Variants in ATG9B observed in about 807,000 individuals in gnomAD.
The protein encoded by ATG9B is autophagy-related protein 9B.
Under a neutral mutation model 92.9 loss-of-function variants are expected in ATG9B, and 92 were observed. The observed-to-expected ratio is 0.99, with a 90% CI of 0.84 to 1.18. ATG9B has a LOEUF of 1.18. ATG9B is among the 50% of genes most tolerant of loss of function. The probability of loss-of-function intolerance (pLI) is 0.00; values close to 1 mark genes in which losing one functional copy is unlikely to be tolerated. For missense variants in ATG9B, 1,344 were observed against 1,235.0 expected, an observed-to-expected ratio of 1.09 and a Z score of -1.32; for synonymous variants, 599 against 551.4, an observed-to-expected ratio of 1.09 and a Z score of -1.21.
chr7:151,023,072 A>G lies in ATG9B; in HGVS notation c.794T>C (p.Ile265Thr). 6.2e-7 allele frequency: 1 copy of G among 1,614,090 alleles called. No homozygotes were observed. Among genetic ancestry groups the G allele is most frequent in the Non-Finnish European group, 8.5e-7 (1 of 1,180,010 alleles). The part of the protein sequence containing the change: ...FHSKVTLSDA[I>T]LPSAQCAERI... ...CTCAGCACACTGGGCTGAGGGTAGGATGGCATCTGACAGGGTCACTTTGCT... is the reference window on the plus strand; with the variant it reads ...CTCAGCACACTGGGCTGAGGGTAGGGTGGCATCTGACAGGGTCACTTTGCT... Residue 265 changes from isoleucine (I) to threonine (T), a missense_variant, in exon 4 of 14, where the codon ATC (isoleucine) becomes ACC (threonine). Coordinates refer to ENST00000639579, the MANE Select transcript of ATG9B (RefSeq NM_001317056.2).
In ATG9B at chr7:151,023,687, C is replaced by T; in HGVS notation, c.594G>A (p.Lys198=). Residue 198 remains lysine (K), a splice_region_variant and synonymous_variant, in exon 2 of 14, where the codon AAG becomes AAA. Coordinates refer to ENST00000639579, the MANE Select transcript of ATG9B (RefSeq NM_001317056.2). ...TCTGCAGGCCTAGCGCAAAGGATAT[C>T]TTGGTGAAGAAACTGTCCAGGTTCT... ...HIQNLDSFFT[K]IYSYHQRNGF... is the part of the protein sequence containing the mutation. 3 of 1,614,082 alleles carry T rather than the reference C, an allele frequency of 1.9e-6. No individual in the cohort carries two copies. The highest frequency in any genetic ancestry group is 2.5e-6 in the Non-Finnish European group (3 of 1,180,040).
At chr7:151,023,227 T>C (rs1407871827) in intron 3 of ATG9B, 21 bp from the exon 4 acceptor site, 3 of 1,611,662 alleles carry the variant, frequency 1.9e-6, no homozygotes, top group Non-Finnish European at 2.5e-6. Flanking sequence ...GAAGGGGGGG[T>C]GCCGGGATGC....
intron 11 of ATG9B, 49 bp from the exon 12 acceptor site, chr7:151,016,284 G>A: frequency 6.8e-7 from 1 of 1,475,218 alleles, no homozygotes; most frequent in African/African-American, 1.4e-5. Context: ...GGAGGGCAGG[G>A]CCAAGCACCT....
chr7:151,012,251 T>G, downstream of ATG9B: 1 of 962,744 alleles, frequency 1.0e-6, no homozygotes, highest in Non-Finnish European at 1.5e-6. Flanking sequence ...TTTTTTGAGA[T>G]GGGAAGAACT....
In ATG9B at chr7:151,021,199, GC is replaced by G. The variant is rs752176029; in HGVS notation, c.951del (p.His318ThrfsTer7). 12 of 1,613,298 alleles carry G rather than the reference GC, an allele frequency of 7.4e-6. No homozygotes were observed. The highest frequency in any genetic ancestry group is 1.0e-5 in the Non-Finnish European group (12 of 1,179,896). ...GCCACCCAGCTCACCGGGGGGATGTGCAGGGCCTCCCTGTAAAACACCTGGA... is the reference window on the plus strand; with the variant it reads ...GCCACCCAGCTCACCGGGGGGATGTGAGGGCCTCCCTGTAAAACACCTGGA... ...WDIQVFYREA[L>X]HIPPEELSSV... On this transcript the variant is annotated frameshift_variant, in exon 5 of 14. Coordinates refer to ENST00000639579, the MANE Select transcript of ATG9B (RefSeq NM_001317056.2). LOFTEE classifies it high-confidence loss of function.
Position 151,024,366 on chromosome 7 carries a change from G to C in ATG9B, c.58C>G (p.Leu20Val). The C allele has an allele frequency of 7.2e-7, 1 of 1,388,400 alleles. No homozygotes were observed. The highest frequency in any genetic ancestry group is 9.4e-7 in the Non-Finnish European group (1 of 1,066,530). The allele number at this position is 1,388,400 out of a possible 1,614,324, so 86.0% of individuals were successfully genotyped here. A position where few individuals can be genotyped will look rare whatever the true frequency, so the allele number is the denominator to read the frequency against. ...RRRRLGRWGDLGPGSVPLLPM... is the reference protein window; with the variant it reads ...RRRRLGRWGDVGPGSVPLLPM... ...AGGAGGGGCACCGATCCGGGCCCCA[G>C]ATCTCCCCACCGCCCCAGCCGCCTT... Residue 20 changes from leucine to valine, a missense_variant, in exon 1 of 14, where the codon CTG becomes GTG. Leu to Val is a conservative substitution (Grantham distance 32). Coordinates refer to ENST00000639579, the MANE Select transcript of ATG9B (RefSeq NM_001317056.2).
chr7:151,014,179 G>A, downstream of ATG9B: 2 of 1,592,566 alleles, frequency 1.3e-6, no homozygotes, highest in South Asian at 2.2e-5. Context: ...AGAGCCGCCT[G>A]GCTTTCCCTT....
Position 151,023,565 on chromosome 7 carries a change from C to T in ATG9B, c.595-56G>A, listed in dbSNP as rs1321065092. On this transcript the variant is annotated intron_variant, in intron 2 of 13. Transcript: ENST00000639579. ...CACGGGGGGCCTCTCCTGAGGACACCTCCCCTCAGCCCCAACAAGTCTCCC... is the reference window on the plus strand; with the variant it reads ...CACGGGGGGCCTCTCCTGAGGACACTTCCCCTCAGCCCCAACAAGTCTCCC... 6 of 1,610,624 alleles carry T rather than the reference C, an allele frequency of 3.7e-6. No individual in the cohort carries two copies. In the African/African-American group the frequency reaches 6.7e-5, roughly 18 times the overall value.
At position 151,019,163 on chromosome 7, in the gene ATG9B, A is replaced by G. The variant is rs1430435526; in HGVS notation, c.1175T>C (p.Leu392Pro). 3 of 1,536,462 alleles carry G rather than the reference A, an allele frequency of 2.0e-6. No individual in the cohort carries two copies. Among genetic ancestry groups the G allele is most frequent in the Non-Finnish European group, 2.6e-6 (3 of 1,146,636 alleles). Residue 392 changes from leucine to proline, a missense_variant, in exon 6 of 14, where the codon CTC becomes CCC. Transcript: ENST00000639579. Reference protein sequence around the residue: ...PLPWGGSAAFLSRGLALNVDL... With the variant: ...PLPWGGSAAFPSRGLALNVDL... Reference sequence around the variant, plus strand: ...GACATTGAGCGCCAGGCCGCGGCTGAGGAAAGCCGCACTGCCTCCCCAGGG... The same window carrying G: ...GACATTGAGCGCCAGGCCGCGGCTGGGGAAAGCCGCACTGCCTCCCCAGGG...
chr7:151,018,327 G>C lies in ATG9B; in HGVS notation c.1839C>G (p.Tyr613Ter). The change falls in exon 7 of 14, where the codon TAC (tyrosine) becomes TAG (stop). Residue 613 changes from tyrosine (Y) to a stop codon, truncating the protein, a stop_gained. Transcript: ENST00000639579. LOFTEE classifies it high-confidence loss of function. The surrounding 1 kb of genome is among the most constrained non-coding windows in gnomAD (Gnocchi z 4.7). ...EPGPGGRDRA[Y>*]RQMAQLLQYR... ...ACTGCAGCAGCTGCGCCATCTGCCG[G>C]TAGGCGCGGTCCCTGCCGCCGGGGC... 6.3e-7 allele frequency: 1 copy of C among 1,588,616 alleles called. No homozygotes were observed. The highest frequency in any genetic ancestry group is 8.5e-7 in the Non-Finnish European group (1 of 1,171,216).
At chr7:151,012,996 C>A (rs958995034), downstream of ATG9B, 3 of 546,414 alleles carry the variant, frequency 5.5e-6, no homozygotes, top group Non-Finnish European at 9.6e-6. Flanking sequence ...CGCATTCTAG[C>A]GCAGCTCCAC....
At chr7:151,012,987 G>GCA (rs1795339914), downstream of ATG9B, 1 of 524,788 alleles carries the variant, frequency 1.9e-6, no homozygotes, top group Non-Finnish European at 3.3e-6. Context: ...CCGAAGCCGC[G>GCA]CATTCTAGCG....
rs756553369 is a variant in ATG9B, at chr7:151,016,775, G to A, written c.2336C>T (p.Pro779Leu). Residue 779 changes from proline (P) to leucine (L), a missense_variant, in exon 10 of 14, where the codon CCG becomes CTG. Coordinates refer to ENST00000639579, the MANE Select transcript of ATG9B (RefSeq NM_001317056.2). ...GGGGGCTGTCGGGCTCAGATCTCTC[G>A]GAGGCAGGAGAGGGTGCACGAAGAG... is the stretch of plus-strand genomic sequence containing the variant. ...ANLFVHPLLP[P>L]RDLSPTAPCP... The A allele has an allele frequency of 3.7e-5, 60 of 1,612,700 alleles. No individual in the cohort carries two copies. Among genetic ancestry groups the A allele is most frequent in the Middle Eastern group, 3.4e-4 (2 of 5,940 alleles).
Position 151,017,188 on chromosome 7 carries a change from G to A in ATG9B, c.2137C>T (p.Leu713=), listed in dbSNP as rs1563248532. ...GGGGGGCGCCAGAGTGGATGCGCCA[G>A]GGAGAACCGCATCAAAGAAAGCTCA... is the stretch of plus-strand genomic sequence containing the variant. The part of the protein sequence containing the change: ...KTELSLMRFS[L]AHPLWRPPGH... Residue 713 remains leucine, a synonymous_variant, in exon 9 of 14, where the codon CTG becomes TTG. Transcript: ENST00000639579. 6.2e-7 allele frequency: 1 copy of A among 1,613,108 alleles called. No individual in the cohort carries two copies. Among genetic ancestry groups the A allele is most frequent in the Non-Finnish European group, 8.5e-7 (1 of 1,179,746 alleles).
chr7:151,014,364 G>T (rs901217390), downstream of ATG9B: 153 of 596,664 alleles, frequency 2.6e-4, no homozygotes, highest in Admixed American at 6.7e-4. Flanking sequence ...GTTGCCTCGG[G>T]CCTGGGTCCG....
In ATG9B at chr7:151,018,682, C is replaced by G. The variant is rs373944093; in HGVS notation, c.1656G>C (p.Val552=). Residue 552 remains valine (V), a synonymous_variant, in exon 6 of 14, where the codon GTG becomes GTC. Transcript: ENST00000639579. The surrounding 1 kb of genome is among the most constrained non-coding windows in gnomAD (Gnocchi z 4.7). ...CGGTGAGCACGTGCTCCACGGCTAG[C>G]ACGTCCTCGTCGTAGACGGTGAGCA... ...LLVLTVYDED[V]LAVEHVLTAM... is the part of the protein sequence containing the mutation. The G allele has an allele frequency of 2.1e-5, 33 of 1,605,600 alleles. No homozygotes were observed. The highest frequency in any genetic ancestry group is 2.8e-5 in the Non-Finnish European group (33 of 1,178,346).
At position 151,024,020 on chromosome 7, in the gene ATG9B, T is replaced by TG. The variant is rs1258698916; in HGVS notation, c.403dup (p.Gln135ProfsTer14). 6.9e-6 allele frequency: 11 copies of TG among 1,588,338 alleles called. No individual in the cohort carries two copies. The highest frequency in any genetic ancestry group is 9.4e-6 in the Non-Finnish European group (11 of 1,168,078). On this transcript the variant is annotated frameshift_variant, in exon 1 of 14. Transcript: ENST00000639579. LOFTEE classifies it high-confidence loss of function. The stretch of plus-strand genomic sequence containing the variant: ...GCCTACCCGCAGCCCAGGAGAGTCC[T>TG]GGGGGCACTGCTGTGAGGGAGTGGG...
rs767325361 is a variant in ATG9B, at chr7:151,021,188, C to T, written c.963G>A (p.Pro321=). Reference sequence around the variant, plus strand: ...GCACAGACACAGCCACCCAGCTCACCGGGGGGATGTGCAGGGCCTCCCTGT... The same window carrying T: ...GCACAGACACAGCCACCCAGCTCACTGGGGGGATGTGCAGGGCCTCCCTGT... The part of the protein sequence containing the change: ...VFYREALHIP[P]EELSSVPWAE... The change falls in exon 5 of 14, where the codon CCG becomes CCA. Residue 321 remains proline (P), a splice_region_variant and synonymous_variant. Coordinates refer to ENST00000639579, the MANE Select transcript of ATG9B (RefSeq NM_001317056.2). 1.2e-5 allele frequency: 20 copies of T among 1,613,196 alleles called. No homozygotes were observed. The highest frequency in any genetic ancestry group is 2.7e-5 in the African/African-American group (2 of 74,994).
Position 151,018,482 on chromosome 7 carries a change from C to G in ATG9B, c.1719-35G>C. 6.6e-7 allele frequency: 1 copy of G among 1,515,882 alleles called. No individual in the cohort carries two copies. The highest frequency in any genetic ancestry group is 8.8e-7 in the Non-Finnish European group (1 of 1,133,236). 93.9% of individuals were successfully genotyped at this position (1,515,882 alleles called of 1,614,324 possible). On this transcript the variant is annotated intron_variant, in intron 6 of 13. Coordinates refer to ENST00000639579, the MANE Select transcript of ATG9B (RefSeq NM_001317056.2). This position sits in a 1 kb window ranked among gnomAD's most constrained non-coding sequence, Gnocchi z 4.7. ...GGGATCCGTGGGGGGAAGGGGCCTG[C>G]GATTAGGAGGACGCGCGGTGGGATG...
Sources: gnomAD v4.1 joint callset for allele counts on GRCh38, gnomAD v4.1.1 for gene constraint, Gnocchi (gnomAD v3.1) non-coding constraint, MANE v1.5 for transcripts, NCBI Gene and HGNC (gene_info 2026-07-23, HGNC 2026-07-21) for gene names.